GOLGA5: variants seen among roughly 807,000 people sequenced by gnomAD.
GOLGA5 encodes golgin subfamily A member 5.
Under a neutral mutation model 93.5 loss-of-function variants are expected in GOLGA5, and 50 were observed. The ratio of observed to expected loss-of-function variants is 0.53; its 90% CI spans 0.43 to 0.68. GOLGA5 has a LOEUF of 0.68. GOLGA5 is among the 30% of genes least tolerant of loss of function. The probability of loss-of-function intolerance (pLI) is 0.00; values close to 1 mark genes in which losing one functional copy is unlikely to be tolerated. For missense variants in GOLGA5, 760 were observed against 856.4 expected, an observed-to-expected ratio of 0.89 and a Z score of 1.40; for synonymous variants, 312 against 304.5, an observed-to-expected ratio of 1.02 and a Z score of -0.26.
At chr14:92,807,080 G>C in intron 3 of GOLGA5, 117 bp downstream of exon 3, 1 of 659,028 alleles carries the variant, frequency 1.5e-6, no homozygotes, top group South Asian at 1.7e-5. Flanking sequence ...CGGGCGGATT[G>C]CCTGAGGTCA....
At chr14:92,803,780 AT>A (rs1317223944) in intron 2 of GOLGA5, among the ~76,000 whole-genome samples, 1 of 152,246 alleles carries the variant, frequency 6.6e-6, no homozygotes, top group Non-Finnish European at 1.5e-5. Flanking sequence ...TGTGAAGAAT[AT>A]CAGTATCTGG....
chr14:92,819,839 C>G lies in GOLGA5; in HGVS notation c.1620+3C>G. 6.2e-7 allele frequency: 1 copy of G among 1,613,386 alleles called. No individual in the cohort carries two copies. The highest frequency in any genetic ancestry group is 1.7e-5 in the Admixed American group (1 of 59,920). ...CAGAACTGGAGCGACTGAAGCAGGT[C>G]AGGATTTGAGATTGATGACTTCTGA... On this transcript the variant is annotated splice_donor_region_variant and intron_variant, in intron 8 of 12. Coordinates refer to ENST00000163416, the MANE Select transcript of GOLGA5 (RefSeq NM_005113.4).
Position 92,797,337 on chromosome 14 carries a change from A to G in GOLGA5, c.-30-71A>G, listed in dbSNP as rs76958753. On this transcript the variant is annotated intron_variant, in intron 1 of 12. Transcript: ENST00000163416. ...TTTCAACCCAGGATTGCCTGACTCC[A>G]GAGTCTGGTCTTAACCATTTATCAT... The G allele has an allele frequency of 4.5e-3, 3,932 of 877,976 alleles. 106 individuals are homozygous for G. In the African/African-American group the frequency reaches 0.058, roughly 13 times the overall value. 54.4% of individuals were successfully genotyped at this position (877,976 alleles called of 1,614,324 possible). A position where few individuals can be genotyped will look rare whatever the true frequency, so the allele number is the denominator to read the frequency against.
At chr14:92,822,777 C>CTGCCCAGCTGTAA (rs1885341955) in intron 8 of GOLGA5, among the ~76,000 whole-genome samples, 1 of 152,166 alleles carries the variant, frequency 6.6e-6, no homozygotes, top group Non-Finnish European at 1.5e-5. Flanking sequence ...CTGCCTCAGC[C>CTGCCCAGCTGTAA]TCCCGAGTAG....
At chr14:92,796,761 G>A (rs1884738073) in intron 1 of GOLGA5, among the ~76,000 whole-genome samples, 1 of 133,224 alleles carries the variant, frequency 7.5e-6, no homozygotes, top group African/African-American at 3.0e-5. Context: ...ATGAGGTCAG[G>A]AGATCGAGAC....
At chr14:92,794,689 G>A (rs943225657) in intron 1 of GOLGA5, among the ~76,000 whole-genome samples, 2 of 152,202 alleles carry the variant, frequency 1.3e-5, no homozygotes, top group African/African-American at 4.8e-5. Context: ...TGGCCTGGCC[G>A]TTCTTCCCGC....
chr14:92,814,560 G>C (rs991746020), intron 6 of GOLGA5, among the ~76,000 whole-genome samples: 3 of 151,894 alleles, frequency 2.0e-5, no homozygotes, highest in African/African-American at 7.3e-5. Flanking sequence ...GAGGTTTCTG[G>C]TTTTTTATTA....
At chr14:92,828,298 A>T (rs1216995781) in intron 9 of GOLGA5, among the ~76,000 whole-genome samples, 1 of 152,166 alleles carries the variant, frequency 6.6e-6, no homozygotes, top group Non-Finnish European at 1.5e-5. Flanking sequence ...GTGCTCATTT[A>T]CAATTGTGGA....
chr14:92,808,039 T>G (rs1035841903), intron 3 of GOLGA5, among the ~76,000 whole-genome samples: 27 of 151,720 alleles, frequency 1.8e-4, no homozygotes, highest in African/African-American at 6.5e-4. Flanking sequence ...TCAAGACCAG[T>G]CTGGCCAACA....
rs139422455 is a variant in GOLGA5 at position 92,795,571 on chromosome 14, C to G, written c.-31+1115C>G. Among the ~76,000 whole-genome samples the G allele has an allele frequency of 9.9e-4, 150 of 152,270 alleles. 1 individual carries two copies. The highest frequency in any genetic ancestry group is 3.4e-3 in the African/African-American group (142 of 41,546). Reference sequence around the variant, plus strand: ...TGAAAATTACATGTGATAAAAGATACATGTGTACCTGTGTACAGCATCAGT... The same window carrying G: ...TGAAAATTACATGTGATAAAAGATAGATGTGTACCTGTGTACAGCATCAGT... On this transcript the variant is annotated intron_variant, in intron 1 of 12. Transcript: ENST00000163416.
chr14:92,836,165 TAGC>T (rs1266026658), intron 11 of GOLGA5, among the ~76,000 whole-genome samples: 3 of 152,168 alleles, frequency 2.0e-5, no homozygotes, highest in Non-Finnish European at 4.4e-5. Flanking sequence ...TTTTTTATAT[TAGC>T]AGACATCTGC....
At position 92,797,842 on chromosome 14, in the gene GOLGA5, C is replaced by G. The variant is rs753126089; in HGVS notation, c.405C>G (p.Thr135=). Residue 135 remains threonine (T), a synonymous_variant, in exon 2 of 13, where the codon ACC becomes ACG. Transcript: ENST00000163416. The stretch of plus-strand genomic sequence containing the variant: ...TTAATAGTTCACAGAAGGAGCCTAC[C>G]GGGAGGGTGGAAATCAGAAAGGAAA... ...DFLNSSQKEP[T]GRVEIRKEKG... 1.9e-6 allele frequency: 3 copies of G among 1,613,906 alleles called. No homozygotes were observed. Among genetic ancestry groups the G allele is most frequent in the Non-Finnish European group, 1.7e-6 (2 of 1,179,888 alleles).
chr14:92,829,461 C>G (rs538866731), intron 9 of GOLGA5, among the ~76,000 whole-genome samples: 1 of 152,130 alleles, frequency 6.6e-6, no homozygotes, highest in South Asian at 2.1e-4. Context: ...TTCCAGCCCT[C>G]AAGGATGGCT....
intron 8 of GOLGA5, among the ~76,000 whole-genome samples, chr14:92,820,253 G>A (rs1199545031): frequency 6.6e-6 from 1 of 152,216 alleles, no homozygotes; most frequent in Non-Finnish European, 1.5e-5. Flanking sequence ...TGTGAGCAAA[G>A]GAATCTGTGT....
intron 10 of GOLGA5, among the ~76,000 whole-genome samples, chr14:92,834,298 C>T (rs1001297040): frequency 2.0e-4 from 30 of 151,538 alleles, no homozygotes; most frequent in African/African-American, 7.0e-4. Flanking sequence ...GTGTGCTGCA[C>T]CCATTAACTC....
chr14:92,803,173 C>T (rs918252193), intron 2 of GOLGA5, among the ~76,000 whole-genome samples: 1 of 152,094 alleles, frequency 6.6e-6, no homozygotes, highest in Non-Finnish European at 1.5e-5. Flanking sequence ...GTAACTGAGA[C>T]TGCAGGCACA....
intron 3 of GOLGA5, among the ~76,000 whole-genome samples, chr14:92,808,847 A>G (rs1020449644): frequency 3.3e-5 from 5 of 152,162 alleles, no homozygotes; most frequent in African/African-American, 1.2e-4. Flanking sequence ...CTCTTTTTGC[A>G]TTGATTTCCT....
In GOLGA5 at chr14:92,797,426, C is replaced by T. The variant is rs773139024; in HGVS notation, c.-12C>T. 2 of 1,589,144 alleles carry T rather than the reference C, an allele frequency of 1.3e-6. No individual in the cohort carries two copies. Among genetic ancestry groups the T allele is most frequent in the East Asian group, 4.5e-5 (2 of 44,832 alleles). ...TTTACAGGTTTGCCAATAGGATTAT[C>T]CTGCTGCCATCATGTCTTGGTTTGT... On this transcript the variant is annotated 5_prime_UTR_variant, in exon 2 of 13. Transcript: ENST00000163416.
intron 2 of GOLGA5, among the ~76,000 whole-genome samples, chr14:92,799,393 C>T (rs1167986668): frequency 1.3e-5 from 2 of 148,764 alleles, no homozygotes; most frequent in Non-Finnish European, 1.5e-5. Flanking sequence ...TCTCCTGCCT[C>T]AGCCTCCCAA....
Sources: allele counts gnomAD v4.1 joint callset (sites outside exome capture counted in the v4.1 genomes callset), GRCh38; gene constraint gnomAD v4.1.1; transcripts MANE v1.5; gene names NCBI Gene and HGNC (gene_info 2026-07-23, HGNC 2026-07-21).